TRPM7: variants seen among roughly 807,000 people sequenced by gnomAD.
TRPM7 encodes the protein transient receptor potential cation channel subfamily M member 7, also known as LTRPC ion channel family member 7.
In TRPM7, 134 loss-of-function variants were observed where a neutral mutation model predicts 229.7. The observed-to-expected ratio is 0.58, with a 90% CI of 0.51 to 0.67. The LOEUF (loss-of-function observed/expected upper bound fraction) is 0.67. Ranked by LOEUF, TRPM7 falls within the 30% of genes least tolerant of loss-of-function variation. TRPM7 has a pLI of 0.00. For missense variants in TRPM7, 1,901 were observed against 2,210.0 expected (o/e 0.86, Z 2.80); for synonymous variants, 699 against 715.2 (o/e 0.98, Z 0.36).
At chr15:50,639,843 C>T (rs2061036725) in intron 5 of TRPM7, among the ~76,000 whole-genome samples, 1 of 151,770 alleles carries the variant, frequency 6.6e-6, no homozygotes, top group Non-Finnish European at 1.5e-5. Context: ...CAGAACAATC[C>T]TGTGCTAAAT....
rs998879469 is a variant in TRPM7, at chr15:50,560,910, A to G, written c.*768T>C. ...GGTAACTTCCCTTGACGAGTGAGTTAGGTTTCTGCTTTTATAATTTAGGTT... is the reference window on the plus strand; with the variant it reads ...GGTAACTTCCCTTGACGAGTGAGTTGGGTTTCTGCTTTTATAATTTAGGTT... On this transcript the variant is annotated 3_prime_UTR_variant, in exon 39 of 39. Coordinates refer to ENST00000646667, the MANE Select transcript of TRPM7 (RefSeq NM_017672.6). 1 of 152,644 alleles carries G rather than the reference A, an allele frequency of 6.6e-6. No individual in the cohort carries two copies. Among genetic ancestry groups the G allele is most frequent in the African/African-American group, 2.4e-5 (1 of 41,464 alleles). 9.5% of individuals were successfully genotyped at this position (152,644 alleles called of 1,614,324 possible).
intron 36 of TRPM7, among the ~76,000 whole-genome samples, chr15:50,572,740 G>A (rs192661110): frequency 1.3e-5 from 2 of 152,208 alleles, no homozygotes; most frequent in East Asian, 1.9e-4. Context: ...ATGAACTACT[G>A]AAAAAAGTAT....
rs1291039644 is a variant in TRPM7 at position 50,632,860 on chromosome 15, T to C, written c.1131+9A>G. The C allele has an allele frequency of 6.6e-7, 1 of 1,507,374 alleles. No homozygotes were observed. Among genetic ancestry groups the C allele is most frequent in the Non-Finnish European group, 8.8e-7 (1 of 1,135,040 alleles). The allele number at this position is 1,507,374 out of a possible 1,614,324, so 93.4% of individuals were successfully genotyped here. On this transcript the variant is annotated intron_variant, in intron 9 of 38. Coordinates refer to ENST00000646667, the MANE Select transcript of TRPM7 (RefSeq NM_017672.6). The stretch of plus-strand genomic sequence containing the variant: ...TCAGCTTTTTAAATTTCTGCTGAAA[T>C]CTACTTACAAGCTCCTTTCTTTTCA...
intron 20 of TRPM7, among the ~76,000 whole-genome samples, chr15:50,605,946 G>GA (rs939078797): frequency 2.1e-4 from 30 of 144,414 alleles, no homozygotes; most frequent in Non-Finnish European, 2.6e-4. Flanking sequence ...GTTTGGAAAA[G>GA]AAAAAAAAAA....
At chr15:50,603,491 T>C (rs2059834525) in intron 21 of TRPM7, among the ~76,000 whole-genome samples, 1 of 150,926 alleles carries the variant, frequency 6.6e-6, no homozygotes. Context: ...GCGTGTGATG[T>C]TCCCCATTCC....
At position 50,650,192 on chromosome 15, in the gene TRPM7, C is replaced by CAAAA. The variant is rs59579538; in HGVS notation, c.123-1311_123-1308dup. 6.4e-3 allele frequency among the ~76,000 whole-genome samples: 396 copies of CAAAA among 62,280 alleles called. 14 individuals carry two copies. The highest frequency in any genetic ancestry group is 8.6e-3 in the Non-Finnish European group (313 of 36,466). 40.9% of individuals were successfully genotyped at this position (62,280 alleles called of 152,430 possible). On this transcript the variant is annotated intron_variant, in intron 3 of 38. Coordinates refer to ENST00000646667, the MANE Select transcript of TRPM7 (RefSeq NM_017672.6). ...TGGGTGAAAGAGTGAGACTTTGTCT[C>CAAAA]AAAAAAAAAAAAAAAAAAAAAAAAA...
chr15:50,663,989 A>G (rs1475268812), intron 1 of TRPM7, among the ~76,000 whole-genome samples: 1 of 151,860 alleles, frequency 6.6e-6, no homozygotes, highest in African/African-American at 2.4e-5. Flanking sequence ...AAAAAACCTG[A>G]AAAAAAGACA....
rs527987731 is a variant in TRPM7, at chr15:50,565,558, A to G, written c.5468-3750T>C. 2.6e-5 allele frequency among the ~76,000 whole-genome samples: 4 copies of G among 152,330 alleles called. No homozygotes were observed. The South Asian group carries it at 8.3e-4, about 32-fold the overall frequency. On this transcript the variant is annotated intron_variant, in intron 38 of 38. Transcript: ENST00000646667. ...GCCAAGAAGACATTAACAATAGTATATGTGTATGCATCTAAGAACAACGCC... is the reference window on the plus strand; with the variant it reads ...GCCAAGAAGACATTAACAATAGTATGTGTGTATGCATCTAAGAACAACGCC...
chr15:50,680,901 TTA>T lies in TRPM7; in HGVS notation c.3+5628_3+5629del, dbSNP rs541135531. On this transcript the variant is annotated intron_variant, in intron 1 of 38. Coordinates refer to ENST00000646667, the MANE Select transcript of TRPM7 (RefSeq NM_017672.6). Reference sequence around the variant, plus strand: ...CAAGTGATTTTTGATTCTCTGCTCTTTATATATAAATAATGGAGAAAACAGTA... The same window carrying T: ...CAAGTGATTTTTGATTCTCTGCTCTTTATATAAATAATGGAGAAAACAGTA... 2.4e-3 allele frequency among the ~76,000 whole-genome samples: 360 copies of T among 152,284 alleles called. 2 individuals carry two copies. The highest frequency in any genetic ancestry group is 8.3e-3 in the African/African-American group (345 of 41,546).
At chr15:50,602,751 G>A (rs1360051549) in intron 21 of TRPM7, among the ~76,000 whole-genome samples, 1 of 152,102 alleles carries the variant, frequency 6.6e-6, no homozygotes, top group Non-Finnish European at 1.5e-5. Context: ...ATGAATGTTA[G>A]AACTAAAACA....
At chr15:50,654,946 A>G (rs906571835) in intron 3 of TRPM7, among the ~76,000 whole-genome samples, 5 of 145,368 alleles carry the variant, frequency 3.4e-5, no homozygotes, top group Admixed American at 1.4e-4. Flanking sequence ...GCTTGCAGTG[A>G]GCTGAGACTG....
At chr15:50,682,272 A>G (rs757337760) in intron 1 of TRPM7, among the ~76,000 whole-genome samples, 6 of 151,702 alleles carry the variant, frequency 4.0e-5, no homozygotes, top group Non-Finnish European at 7.4e-5. Flanking sequence ...CCACACACCA[A>G]AATTCCTTTA....
chr15:50,579,155 TAAC>T (rs2054279198), intron 30 of TRPM7, among the ~76,000 whole-genome samples: 1 of 152,178 alleles, frequency 6.6e-6, no homozygotes, highest in African/African-American at 2.4e-5. Flanking sequence ...TATTTATTTA[TAAC>T]AACATACACT....
intron 1 of TRPM7, among the ~76,000 whole-genome samples, chr15:50,685,826 T>A (rs8037013): frequency 0.022 from 3,371 of 152,228 alleles, 118 homozygotes; most frequent in African/African-American, 0.078. Flanking sequence ...CGATCAACTG[T>A]TCTCTGGGGC....
rs117300289 is a variant in TRPM7 at position 50,640,259 on chromosome 15, C to T, written c.536-711G>A. On this transcript the variant is annotated intron_variant, in intron 5 of 38. Transcript: ENST00000646667. ...AGGCAGTTCCAAAGAGCATATAACTCCTCATTATCACTTCTTTTTTTTGAG... is the reference window on the plus strand; with the variant it reads ...AGGCAGTTCCAAAGAGCATATAACTTCTCATTATCACTTCTTTTTTTTGAG... 4.0e-3 allele frequency among the ~76,000 whole-genome samples: 613 copies of T among 151,976 alleles called. 3 individuals carry two copies. The highest frequency in any genetic ancestry group is 5.5e-3 in the Non-Finnish European group (372 of 67,952).
intron 2 of TRPM7, among the ~76,000 whole-genome samples, chr15:50,658,701 ACT>A (rs1462661686): frequency 6.6e-5 from 10 of 152,144 alleles, no homozygotes; most frequent in Admixed American, 6.6e-4. Flanking sequence ...AAAAACGTTG[ACT>A]CTCACACACT....
At chr15:50,564,987 C>A (rs2053529775) in intron 38 of TRPM7, among the ~76,000 whole-genome samples, 3 of 151,614 alleles carry the variant, frequency 2.0e-5, no homozygotes, top group African/African-American at 7.3e-5. Context: ...AATGAAGGAT[C>A]TGGGCCAGAT....
Position 50,592,379 on chromosome 15 carries a change from G to A in TRPM7, c.3856C>T (p.Pro1286Ser). ...QNLIDDGPVRPSVWKKHGVVN... is the reference protein window; with the variant it reads ...QNLIDDGPVRSSVWKKHGVVN... ...ACACCATGCTTTTTCCATACAGAAG[G>A]TCTTACAGGACCATCATCAATAAGG... Residue 1286 changes from proline to serine, a missense_variant, in exon 26 of 39, where the codon CCT becomes TCT. This residue lies in a region of TRPM7 where 533 missense variants were observed against 497.1 expected (regional missense o/e 1.07). Transcript: ENST00000646667. 1 of 1,614,116 alleles carries A rather than the reference G, an allele frequency of 6.2e-7. No individual in the cohort carries two copies. The highest frequency in any genetic ancestry group is 8.5e-7 in the Non-Finnish European group (1 of 1,180,018).
Position 50,658,005 on chromosome 15 carries a change from A to ATT in TRPM7, c.84-188_84-187dup, listed in dbSNP as rs529961423. On this transcript the variant is annotated intron_variant, in intron 2 of 38. Coordinates refer to ENST00000646667, the MANE Select transcript of TRPM7 (RefSeq NM_017672.6). The stretch of plus-strand genomic sequence containing the variant: ...AACTATTTTTTAACTGACAGTCTCA[A>ATT]TTTTTTTTTTTTTTTTTGAGACAGA... 2.0e-3 allele frequency among the ~76,000 whole-genome samples: 272 copies of ATT among 139,294 alleles called. 2 individuals are homozygous for ATT. The highest frequency in any genetic ancestry group is 4.5e-3 in the African/African-American group (173 of 38,514). 91.4% of individuals were successfully genotyped at this position (139,294 alleles called of 152,430 possible). A position where few individuals can be genotyped will look rare whatever the true frequency, so the allele number is the denominator to read the frequency against.
Sources: allele counts gnomAD v4.1 joint callset (sites outside exome capture counted in the v4.1 genomes callset), GRCh38; gene constraint gnomAD v4.1.1; regional missense constraint gnomAD v4.1.1; transcripts MANE v1.5; gene names NCBI Gene and HGNC (gene_info 2026-07-23, HGNC 2026-07-21).